Variants in LINGO2 observed in about 807,000 individuals in gnomAD.
LINGO2 encodes the protein leucine rich repeat and Ig domain containing 2.
A neutral mutation model predicts 30.6 loss-of-function variants in LINGO2; 14 were observed. That is an observed-to-expected ratio of 0.46 (90% CI 0.30 to 0.72). The LOEUF (loss-of-function observed/expected upper bound fraction) is 0.72. Among genes scored for constraint, LINGO2 ranks in the 30% least tolerant of loss-of-function variants. The probability of loss-of-function intolerance (pLI) is 0.07; values close to 1 mark genes in which losing one functional copy is unlikely to be tolerated. For synonymous variants in LINGO2, 317 were observed against 288.5 expected, an observed-to-expected ratio of 1.10 and a Z score of -1.00; for missense variants, 729 against 751.7, an observed-to-expected ratio of 0.97 and a Z score of 0.35.
intron 3 of LINGO2, among the ~76,000 whole-genome samples, chr9:28,354,401 T>A (rs928289937): frequency 1.4e-4 from 22 of 152,138 alleles, no homozygotes; most frequent in Non-Finnish European, 2.9e-4. Flanking sequence ...CTTCACAAAA[T>A]CCTACCAATG....
the LINGO2 span, among the ~76,000 whole-genome samples, chr9:28,997,673 A>G: frequency 6.6e-6 from 1 of 151,978 alleles, no homozygotes; most frequent in Non-Finnish European, 1.5e-5. Context: ...AATACAACAA[A>G]TTAGCTGGGC....
intron 1 of LINGO2, among the ~76,000 whole-genome samples, chr9:28,665,891 C>CTTT (rs35393752): frequency 7.6e-6 from 1 of 132,448 alleles, no homozygotes; most frequent in Admixed American, 7.6e-5. Context: ...TTTGGTGTTA[C>CTTT]TTTTTTTTTT....
intron 1 of LINGO2, among the ~76,000 whole-genome samples, chr9:28,634,572 G>A (rs1229943925): frequency 7.1e-6 from 1 of 140,406 alleles, no homozygotes; most frequent in Non-Finnish European, 1.5e-5. Flanking sequence ...TGCAACCACC[G>A]CCTTCCGAGT....
chr9:29,182,041 C>T, the LINGO2 span, among the ~76,000 whole-genome samples: 18 of 151,904 alleles, frequency 1.2e-4, no homozygotes, highest in Non-Finnish European at 2.1e-4. Context: ...GCCCTGAGTG[C>T]GCCCACCTAT....
chr9:28,733,129 G>A, the LINGO2 span, among the ~76,000 whole-genome samples: 3 of 152,112 alleles, frequency 2.0e-5, no homozygotes, highest in South Asian at 6.2e-4. Context: ...TATACACATA[G>A]TACCTACACA....
At chr9:28,816,776 G>GA in the LINGO2 span, among the ~76,000 whole-genome samples, 2 of 152,140 alleles carry the variant, frequency 1.3e-5, no homozygotes, top group South Asian at 2.1e-4. Context: ...GCTTTACTCA[G>GA]AAAAAATAAA....
chr9:28,463,101 T>C (rs1825148974), intron 2 of LINGO2, among the ~76,000 whole-genome samples: 1 of 152,044 alleles, frequency 6.6e-6, no homozygotes, highest in African/African-American at 2.4e-5. Flanking sequence ...AATAGCGCTT[T>C]TTTTTTTCCT....
the LINGO2 span, among the ~76,000 whole-genome samples, chr9:28,690,187 T>C: frequency 3.3e-5 from 5 of 152,162 alleles, no homozygotes; most frequent in South Asian, 1.0e-3. Flanking sequence ...ACATTACCTA[T>C]GTAACAAACT....
chr9:28,972,068 GC>G, the LINGO2 span, among the ~76,000 whole-genome samples: 2 of 152,238 alleles, frequency 1.3e-5, no homozygotes, highest in African/African-American at 4.8e-5. Flanking sequence ...TTATGAGTCT[GC>G]AAGAACCACA....
the LINGO2 span, among the ~76,000 whole-genome samples, chr9:29,163,289 G>T: frequency 2.6e-5 from 4 of 152,160 alleles, no homozygotes; most frequent in Admixed American, 6.5e-5. Flanking sequence ...CTAAAATAGG[G>T]TTTACAGAAA....
intron 1 of LINGO2, among the ~76,000 whole-genome samples, chr9:28,498,703 G>C (rs1000105784): frequency 4.6e-5 from 7 of 152,074 alleles, no homozygotes; most frequent in Admixed American, 6.5e-5. Flanking sequence ...AGATGAACCT[G>C]GTACCTCAGT....
the LINGO2 span, among the ~76,000 whole-genome samples, chr9:29,178,313 C>T: frequency 6.6e-6 from 1 of 152,132 alleles, no homozygotes; most frequent in Non-Finnish European, 1.5e-5. Flanking sequence ...ACCTCCGCCT[C>T]CCAAAGTGCT....
chr9:28,672,125 A>G (rs539473174), upstream of LINGO2, among the ~76,000 whole-genome samples: 2 of 152,244 alleles, frequency 1.3e-5, no homozygotes, highest in Non-Finnish European at 2.9e-5. Context: ...CTACACTTCC[A>G]TTAGGGGGAA....
intron 4 of LINGO2, among the ~76,000 whole-genome samples, chr9:28,188,112 T>C (rs572697040): frequency 1.3e-5 from 2 of 152,264 alleles, no homozygotes; most frequent in East Asian, 3.9e-4. Context: ...GGCCCTTCTT[T>C]AGGCCAAACC....
chr9:28,638,349 G>A (rs188366003), intron 1 of LINGO2, among the ~76,000 whole-genome samples: 18 of 152,226 alleles, frequency 1.2e-4, no homozygotes, highest in Middle Eastern at 3.4e-3. Context: ...GAGTTAGGGA[G>A]GTTTCCCTAT....
the LINGO2 span, among the ~76,000 whole-genome samples, chr9:29,026,083 G>GAGTGC: frequency 2.0e-5 from 3 of 151,466 alleles, no homozygotes; most frequent in Non-Finnish European, 1.5e-5. Context: ...TCCCAGTCTG[G>GAGTGC]AGTGCAGTGG....
At chr9:28,557,300 G>C (rs1345183168) in intron 1 of LINGO2, among the ~76,000 whole-genome samples, 1 of 151,704 alleles carries the variant, frequency 6.6e-6, no homozygotes, top group Non-Finnish European at 1.5e-5. Flanking sequence ...AAATTTACAA[G>C]AAAAAAACAA....
chr9:28,571,416 G>T (rs571833883), intron 1 of LINGO2, among the ~76,000 whole-genome samples: 4 of 152,156 alleles, frequency 2.6e-5, no homozygotes, highest in African/African-American at 9.6e-5. Flanking sequence ...ACAGAGATTT[G>T]CTAAGATGAA....
chr9:28,251,949 G>C (rs1161819193), intron 4 of LINGO2, among the ~76,000 whole-genome samples: 1 of 152,128 alleles, frequency 6.6e-6, no homozygotes, highest in Non-Finnish European at 1.5e-5. Flanking sequence ...AGGGTTAGGA[G>C]ATCTTGATTC....
Sources: allele counts gnomAD v4.1 joint callset (sites outside exome capture counted in the v4.1 genomes callset), GRCh38; gene constraint gnomAD v4.1.1; transcripts MANE v1.5; gene names NCBI Gene and HGNC (gene_info 2026-07-23, HGNC 2026-07-21).